The following FAM13C variants were observed in gnomAD, a reference collection of about 807,000 sequenced individuals.
The protein encoded by FAM13C is protein FAM13C.
A neutral mutation model predicts 73.2 loss-of-function variants in FAM13C; 37 were observed. The ratio of observed to expected loss-of-function variants is 0.51; its 90% CI spans 0.39 to 0.67. The LOEUF is 0.67. Among genes scored for constraint, FAM13C ranks in the 30% least tolerant of loss-of-function variants. The pLI is 0.00. For missense variants in FAM13C, 589 were observed against 715.6 expected, an observed-to-expected ratio of 0.82 and a Z score of 2.02; for synonymous variants, 246 against 260.9, an observed-to-expected ratio of 0.94 and a Z score of 0.55.
At chr10:59,359,931 C>T (rs1293962050) in intron 1 of FAM13C, among the ~76,000 whole-genome samples, 1 of 152,178 alleles carries the variant, frequency 6.6e-6, no homozygotes, top group African/African-American at 2.4e-5. Flanking sequence ...GGGGCAATGT[C>T]ACGATTGACC....
intron 4 of FAM13C, among the ~76,000 whole-genome samples, chr10:59,316,160 C>A (rs1207107328): frequency 6.6e-6 from 1 of 152,086 alleles, no homozygotes; most frequent in African/African-American, 2.4e-5. Context: ...GTCTCAAACT[C>A]CTGGCCTCAA....
chr10:59,268,824 C>A, intron 7 of FAM13C, 133 bp from the exon 8 acceptor site: 2 of 1,035,472 alleles, frequency 1.9e-6, no homozygotes, highest in Non-Finnish European at 2.7e-6. Context: ...ATGAGGCCAC[C>A]ATGGTAGCAT....
chr10:59,261,966 A>C (rs1842547175), intron 10 of FAM13C, among the ~76,000 whole-genome samples: 1 of 152,092 alleles, frequency 6.6e-6, no homozygotes, highest in Admixed American at 6.6e-5. Context: ...TTTCAACTTA[A>C]CTCTCCCAAA....
In FAM13C at chr10:59,345,155, G is replaced by C. The variant is rs143416560; in HGVS notation, c.324+7115C>G. On this transcript the variant is annotated intron_variant, in intron 3 of 13. Transcript: ENST00000618804. ...GCACCTCTGTTTAATATTCCAAGCA[G>C]CATGTAAGCAGAGATCAGTCCTTGC... Among the ~76,000 whole-genome samples, 9 of 152,262 alleles carry C rather than the reference G, an allele frequency of 5.9e-5. 1 individual carries two copies. In the East Asian group the frequency reaches 1.7e-3, roughly 29 times the overall value.
At chr10:59,355,580 G>A (rs957389525) in intron 2 of FAM13C, among the ~76,000 whole-genome samples, 6 of 152,188 alleles carry the variant, frequency 3.9e-5, no homozygotes, top group African/African-American at 1.4e-4. Flanking sequence ...TATGTTTGGT[G>A]AATAATCTAC....
At chr10:59,339,055 C>CA (rs1234928224) in intron 3 of FAM13C, among the ~76,000 whole-genome samples, 1 of 152,108 alleles carries the variant, frequency 6.6e-6, no homozygotes, top group Non-Finnish European at 1.5e-5. Context: ...TGACTGCTGG[C>CA]ACTCCTTGGC....
intron 5 of FAM13C, among the ~76,000 whole-genome samples, chr10:59,296,240 T>C (rs1373396536): frequency 6.6e-6 from 1 of 152,140 alleles, no homozygotes; most frequent in African/African-American, 2.4e-5. Context: ...ACCTATATGA[T>C]AAACTGTGGA....
At position 59,246,209 on chromosome 10, in the gene FAM13C, A is replaced by G. The variant is rs1821054733; in HGVS notation, c.*1405T>C. The G allele has an allele frequency of 6.5e-6, 1 of 153,548 alleles. No individual in the cohort carries two copies. Among genetic ancestry groups the G allele is most frequent in the Non-Finnish European group, 1.5e-5 (1 of 68,688 alleles). The allele number at this position is 153,548 out of a possible 1,614,324, so 9.5% of individuals were successfully genotyped here. ...TATAGAATATATAGAGTTACATTTT[A>G]ATAGCAACTGTGTACATGTCACGAA... On this transcript the variant is annotated 3_prime_UTR_variant, in exon 14 of 14. Coordinates refer to ENST00000618804, the MANE Select transcript of FAM13C (RefSeq NM_198215.4).
intron 7 of FAM13C, among the ~76,000 whole-genome samples, chr10:59,269,160 T>A (rs1358599003): frequency 6.6e-6 from 1 of 152,114 alleles, no homozygotes; most frequent in African/African-American, 2.4e-5. Context: ...ACACTTTACA[T>A]GCAATGCCAA....
At chr10:59,249,427 AAAAG>A (rs1460709718) in intron 13 of FAM13C, among the ~76,000 whole-genome samples, 1 of 151,330 alleles carries the variant, frequency 6.6e-6, no homozygotes, top group East Asian at 1.9e-4. Flanking sequence ...AAAAAAAAAA[AAAAG>A]AGTGCTTTGA....
At chr10:59,256,135 C>T (rs1841925782) in intron 10 of FAM13C, among the ~76,000 whole-genome samples, 1 of 151,940 alleles carries the variant, frequency 6.6e-6, no homozygotes, top group Non-Finnish European at 1.5e-5. Flanking sequence ...TTACATCTTT[C>T]CATGAAAAAA....
intron 3 of FAM13C, among the ~76,000 whole-genome samples, chr10:59,331,565 G>A (rs943387871): frequency 2.6e-5 from 4 of 152,176 alleles, no homozygotes; most frequent in Non-Finnish European, 5.9e-5. Flanking sequence ...GCAAGCCACT[G>A]AATATTATAA....
chr10:59,341,700 G>T (rs1044800793), intron 3 of FAM13C, among the ~76,000 whole-genome samples: 4 of 151,914 alleles, frequency 2.6e-5, no homozygotes, highest in African/African-American at 9.7e-5. Context: ...CTCGAAAAAA[G>T]GAAAAAGAAA....
Position 59,283,382 on chromosome 10 carries a change from G to C in FAM13C, c.573C>G (p.Ala191=), listed in dbSNP as rs747199551. The C allele has an allele frequency of 1.9e-6, 3 of 1,614,156 alleles. No homozygotes were observed. Among genetic ancestry groups the C allele is most frequent in the South Asian group, 2.2e-5 (2 of 91,080 alleles). Residue 191 remains alanine, a synonymous_variant, in exon 6 of 14, where the codon GCC becomes GCG. Coordinates refer to ENST00000618804, the MANE Select transcript of FAM13C (RefSeq NM_198215.4). The stretch of plus-strand genomic sequence containing the variant: ...TCTTACCTGCAGAATCTGTCCCATC[G>C]GCAAGCACGCTCTGGGTTGATGCTG... ...PAPASTQSVL[A]DGTDSADPSP... is the part of the protein sequence containing the mutation.
At chr10:59,331,066 G>C (rs1169637724) in intron 3 of FAM13C, among the ~76,000 whole-genome samples, 1 of 152,140 alleles carries the variant, frequency 6.6e-6, no homozygotes, top group Non-Finnish European at 1.5e-5. Context: ...GTCCCTATCA[G>C]GGGCTACATT....
chr10:59,349,357 G>A (rs569117878), intron 3 of FAM13C, among the ~76,000 whole-genome samples: 44 of 152,298 alleles, frequency 2.9e-4, no homozygotes, highest in African/African-American at 1.1e-3. Flanking sequence ...ACAGACTCTT[G>A]GATACAGGCA....
chr10:59,287,061 G>T (rs182529673), intron 5 of FAM13C, among the ~76,000 whole-genome samples: 4 of 148,270 alleles, frequency 2.7e-5, no homozygotes, highest in Non-Finnish European at 5.9e-5. Context: ...AAAAGGCCAG[G>T]TGTGGTGGCT....
chr10:59,335,295 G>C (rs907416785), intron 3 of FAM13C, among the ~76,000 whole-genome samples: 3 of 152,104 alleles, frequency 2.0e-5, no homozygotes, highest in Non-Finnish European at 2.9e-5. Flanking sequence ...TCTACGTAAA[G>C]GTAACACATG....
chr10:59,268,994 C>T (rs1843394540), intron 7 of FAM13C, among the ~76,000 whole-genome samples: 1 of 152,172 alleles, frequency 6.6e-6, no homozygotes, highest in African/African-American at 2.4e-5. Context: ...TGTTGAGGTT[C>T]TGTCCTCAGT....
Sources: gnomAD v4.1 joint callset for allele counts (sites outside exome capture counted in the v4.1 genomes callset) on GRCh38, gnomAD v4.1.1 for gene constraint, MANE v1.5 for transcripts, NCBI Gene and HGNC (gene_info 2026-07-23, HGNC 2026-07-21) for gene names.